Variants in ANO4 observed in about 807,000 individuals in gnomAD.
ANO4 encodes anoctamin 4.
A neutral mutation model predicts 141.9 loss-of-function variants in ANO4; 69 were observed. The observed-to-expected ratio is 0.49, with a 90% CI of 0.40 to 0.59. The LOEUF is 0.59. Among genes scored for constraint, ANO4 ranks in the 20% least tolerant of loss-of-function variants. ANO4 has a pLI of 0.00. For synonymous variants in ANO4, 350 were observed against 394.3 expected (o/e 0.89, Z 1.33); for missense variants, 894 against 1,162.2 (o/e 0.77, Z 3.36).
chr12:100,891,521 G>C (rs2040103732), intron 1 of ANO4, among the ~76,000 whole-genome samples: 1 of 152,128 alleles, frequency 6.6e-6, no homozygotes, highest in South Asian at 2.1e-4. Context: ...TATTCTAATA[G>C]ATGTGGAGTG....
chr12:100,928,302 A>G (rs2041958507), intron 3 of ANO4, among the ~76,000 whole-genome samples: 1 of 152,058 alleles, frequency 6.6e-6, no homozygotes, highest in South Asian at 2.1e-4. Flanking sequence ...ACATCTGTAA[A>G]AGGAAAATAG....
chr12:101,103,183 TTATATA>T (rs71091476), intron 22 of ANO4, among the ~76,000 whole-genome samples: 9 of 18,602 alleles, frequency 4.8e-4, no homozygotes, highest in African/African-American at 1.8e-3. Context: ...TTTAGTCATT[TTATATA>T]TATATATATA....
In ANO4 at chr12:100,971,484, A is replaced by G. The variant is rs2043933426; in HGVS notation, c.557+78A>G. The G allele has an allele frequency of 1.3e-5, 14 of 1,075,408 alleles. No individual in the cohort carries two copies. In the South Asian group the frequency reaches 2.0e-4, roughly 16 times the overall value. The allele number at this position is 1,075,408 out of a possible 1,614,324, so 66.6% of individuals were successfully genotyped here. On this transcript the variant is annotated intron_variant, in intron 6 of 27. Transcript: ENST00000392977. ...AATGTTCTCCTCTCTCAGAACAAAT[A>G]AAACTGAAATGCAGATTGGAAGGCC...
intron 1 of ANO4, among the ~76,000 whole-genome samples, chr12:100,842,990 T>G (rs2037362216): frequency 6.6e-6 from 1 of 152,172 alleles, no homozygotes. Context: ...GATGACATAA[T>G]TTATTTCCTC....
At chr12:100,866,600 A>G (rs574788867) in intron 1 of ANO4, among the ~76,000 whole-genome samples, 1 of 152,310 alleles carries the variant, frequency 6.6e-6, no homozygotes, top group South Asian at 2.1e-4. Context: ...CAGTAGGATG[A>G]TGAATCCAAA....
chr12:100,949,769 C>A (rs2042894398), intron 5 of ANO4, among the ~76,000 whole-genome samples: 1 of 152,116 alleles, frequency 6.6e-6, no homozygotes, highest in Non-Finnish European at 1.5e-5. Flanking sequence ...ACAAGTTTAG[C>A]ATGATCAAGG....
chr12:100,918,797 TTTTACTGA>T, intron 2 of ANO4, among the ~76,000 whole-genome samples: 1 of 152,260 alleles, frequency 6.6e-6, no homozygotes, highest in Non-Finnish European at 1.5e-5. Flanking sequence ...AGTTTACTCC[TTTTACTGA>T]TTAAAAAAAA....
At chr12:100,964,151 C>T (rs1199528289) in intron 5 of ANO4, among the ~76,000 whole-genome samples, 1 of 152,048 alleles carries the variant, frequency 6.6e-6, no homozygotes, top group Non-Finnish European at 1.5e-5. Context: ...AAAAAAATTA[C>T]AGTGGAATTG....
At chr12:100,838,221 C>T (rs1194336282) in intron 1 of ANO4, among the ~76,000 whole-genome samples, 3 of 115,122 alleles carry the variant, frequency 2.6e-5, no homozygotes, top group Non-Finnish European at 5.1e-5. Flanking sequence ...CAGAGTGAGA[C>T]TCCGTCTCAA....
chr12:100,747,481 A>G (rs1486359929), intron 3 of ANO4, among the ~76,000 whole-genome samples: 1 of 152,174 alleles, frequency 6.6e-6, no homozygotes, highest in Non-Finnish European at 1.5e-5. Flanking sequence ...GCATTTCCAT[A>G]AGCAGGAATC....
intron 3 of ANO4, among the ~76,000 whole-genome samples, chr12:100,747,491 C>G (rs2032165750): frequency 6.6e-6 from 1 of 152,214 alleles, no homozygotes; most frequent in Admixed American, 6.5e-5. Context: ...AAGCAGGAAT[C>G]ATTGAGAACT....
chr12:100,902,701 A>C (rs1453311728), intron 2 of ANO4, among the ~76,000 whole-genome samples: 1 of 152,122 alleles, frequency 6.6e-6, no homozygotes, highest in Admixed American at 6.5e-5. Flanking sequence ...TTGCTTCCTA[A>C]CCCATCAAGA....
chr12:101,034,852 C>T (rs537431545), intron 9 of ANO4, among the ~76,000 whole-genome samples: 17 of 152,186 alleles, frequency 1.1e-4, no homozygotes, highest in Admixed American at 7.2e-4. Context: ...GAATTAAACA[C>T]GATGAGATAT....
chr12:100,877,804 C>T (rs2039389593), intron 1 of ANO4, among the ~76,000 whole-genome samples: 1 of 152,062 alleles, frequency 6.6e-6, no homozygotes, highest in Admixed American at 6.6e-5. Flanking sequence ...TCTTATTTTA[C>T]AGATGAAGGG....
chr12:101,086,111 TG>T (rs2049485319), intron 16 of ANO4, among the ~76,000 whole-genome samples: 1 of 150,776 alleles, frequency 6.6e-6, no homozygotes, highest in African/African-American at 2.5e-5. Context: ...TGTGTGTGTG[TG>T]TGTGTGTGTG....
intron 3 of ANO4, among the ~76,000 whole-genome samples, chr12:100,761,304 C>T (rs1470899151): frequency 2.6e-5 from 4 of 152,146 alleles, no homozygotes; most frequent in Admixed American, 1.3e-4. Context: ...CATTAGGGGT[C>T]CCCAAGACCA....
At chr12:101,103,043 T>TC in intron 22 of ANO4, among the ~76,000 whole-genome samples, 1 of 151,348 alleles carries the variant, frequency 6.6e-6, no homozygotes, top group South Asian at 2.1e-4. Flanking sequence ...TATTGTTGTT[T>TC]TGTATGTTTG....
chr12:100,944,409 T>G (rs1190700843), intron 5 of ANO4, among the ~76,000 whole-genome samples: 3 of 152,176 alleles, frequency 2.0e-5, no homozygotes, highest in Non-Finnish European at 4.4e-5. Flanking sequence ...TATTTTAATG[T>G]GTACTGGAAA....
chr12:100,893,746 AT>A (rs1193038985), intron 1 of ANO4, among the ~76,000 whole-genome samples: 2 of 152,162 alleles, frequency 1.3e-5, no homozygotes, highest in African/African-American at 4.8e-5. Flanking sequence ...TGAATTACGA[AT>A]CAGGGGCAAT....
Sources: allele counts gnomAD v4.1 joint callset (sites outside exome capture counted in the v4.1 genomes callset), GRCh38; gene constraint gnomAD v4.1.1; transcripts MANE v1.5; gene names NCBI Gene and HGNC (gene_info 2026-07-23, HGNC 2026-07-21).